CNTN3: variants seen among roughly 807,000 people sequenced by gnomAD.
CNTN3 encodes contactin 3, also known as contactin-3.
CNTN3 carries 60 observed loss-of-function variants against 119.1 expected under a neutral mutation model. That is an observed-to-expected ratio of 0.50 (90% CI 0.41 to 0.62). The LOEUF (loss-of-function observed/expected upper bound fraction) is 0.62, where lower values mean the gene tolerates loss of function less well. Among genes scored for constraint, CNTN3 ranks in the 20% least tolerant of loss-of-function variants. The pLI, the probability that CNTN3 is intolerant of heterozygous loss-of-function variation, is 0.00. For synonymous variants in CNTN3, 450 were observed against 438.7 expected (o/e 1.03, Z -0.32); for missense variants, 1,101 against 1,242.4 (o/e 0.89, Z 1.71).
At chr3:74,565,697 C>T (rs1176105251) in intron 1 of CNTN3, among the ~76,000 whole-genome samples, 1 of 152,098 alleles carries the variant, frequency 6.6e-6, no homozygotes, top group Non-Finnish European at 1.5e-5. Flanking sequence ...TTTCAGTCAA[C>T]CTTGGTGAGC....
intron 18 of CNTN3, among the ~76,000 whole-genome samples, chr3:74,296,369 G>C (rs1490804189): frequency 6.6e-6 from 1 of 152,062 alleles, no homozygotes; most frequent in Non-Finnish European, 1.5e-5. Flanking sequence ...AAAACTCCCT[G>C]GATAATGGCC....
intron 5 of CNTN3, among the ~76,000 whole-genome samples, chr3:74,391,443 G>A (rs889832642): frequency 3.9e-5 from 6 of 151,992 alleles, no homozygotes; most frequent in African/African-American, 7.3e-5. Context: ...GGAAAATAAT[G>A]GGGCTGTGGA....
chr3:74,611,098 G>C (rs1242098896), intron 1 of CNTN3, among the ~76,000 whole-genome samples: 1 of 152,164 alleles, frequency 6.6e-6, no homozygotes, highest in African/African-American at 2.4e-5. Flanking sequence ...AGGCACCTAA[G>C]AGAATGCTAT....
At chr3:74,534,899 T>G (rs2107139960) in intron 1 of CNTN3, among the ~76,000 whole-genome samples, 1 of 152,130 alleles carries the variant, frequency 6.6e-6, no homozygotes, top group African/African-American at 2.4e-5. Flanking sequence ...GACTTTAAAT[T>G]TTACAACAGT....
At chr3:74,317,832 C>T (rs1702874378) in intron 13 of CNTN3, among the ~76,000 whole-genome samples, 1 of 152,062 alleles carries the variant, frequency 6.6e-6, no homozygotes, top group Non-Finnish European at 1.5e-5. Context: ...TTGCTCTTCT[C>T]GAGGAGTATC....
At chr3:74,602,583 A>G (rs983249394) in intron 1 of CNTN3, among the ~76,000 whole-genome samples, 2 of 152,010 alleles carry the variant, frequency 1.3e-5, no homozygotes, top group African/African-American at 4.8e-5. Flanking sequence ...AAAATCTCAG[A>G]CTTCCAGTCA....
intron 1 of CNTN3, among the ~76,000 whole-genome samples, chr3:74,569,128 G>A: frequency 6.6e-6 from 1 of 152,164 alleles, no homozygotes; most frequent in East Asian, 1.9e-4. Context: ...CCATTTTAGA[G>A]CATCTGTATG....
At chr3:74,417,172 T>C (rs1430968213) in intron 5 of CNTN3, among the ~76,000 whole-genome samples, 1 of 152,092 alleles carries the variant, frequency 6.6e-6, no homozygotes, top group Non-Finnish European at 1.5e-5. Context: ...ATGGCACCTA[T>C]TATTGTCATT....
chr3:74,507,421 G>A (rs1336052830), intron 2 of CNTN3, among the ~76,000 whole-genome samples: 147 of 139,058 alleles, frequency 1.1e-3, no homozygotes, highest in Admixed American at 1.0e-3. Context: ...CCATCTCTAA[G>A]AAAAAAAAAA....
At chr3:74,581,809 T>G (rs1259815471) in intron 1 of CNTN3, among the ~76,000 whole-genome samples, 1 of 152,150 alleles carries the variant, frequency 6.6e-6, no homozygotes, top group Admixed American at 6.5e-5. Context: ...ACCCCACTAT[T>G]AGGTCTTTTC....
chr3:74,570,169 T>C (rs1464712370), intron 1 of CNTN3, among the ~76,000 whole-genome samples: 3 of 151,972 alleles, frequency 2.0e-5, no homozygotes, highest in Non-Finnish European at 4.4e-5. Context: ...TGGAGTATCA[T>C]GGAGTTCTAC....
At chr3:74,525,011 A>G (rs1335696021) in intron 1 of CNTN3, among the ~76,000 whole-genome samples, 2 of 151,834 alleles carry the variant, frequency 1.3e-5, no homozygotes, top group African/African-American at 4.8e-5. Flanking sequence ...ATGTCTGGCT[A>G]AGGGTATTAG....
chr3:74,398,225 GA>G (rs1310197492), intron 5 of CNTN3, among the ~76,000 whole-genome samples: 1 of 152,180 alleles, frequency 6.6e-6, no homozygotes, highest in Non-Finnish European at 1.5e-5. Flanking sequence ...AATCTTTTGT[GA>G]AAGGAAGAGT....
chr3:74,391,750 G>A (rs1365421706), intron 5 of CNTN3, among the ~76,000 whole-genome samples: 1 of 151,750 alleles, frequency 6.6e-6, no homozygotes, highest in Non-Finnish European at 1.5e-5. Flanking sequence ...CTCCACCTCC[G>A]GGGCTCAAGC....
At chr3:74,476,126 T>C (rs1702649526) in intron 4 of CNTN3, among the ~76,000 whole-genome samples, 1 of 152,162 alleles carries the variant, frequency 6.6e-6, no homozygotes, top group Non-Finnish European at 1.5e-5. Flanking sequence ...AGGTTGGCCA[T>C]GAGTTCAATG....
intron 13 of CNTN3, among the ~76,000 whole-genome samples, chr3:74,323,706 ATTTG>A (rs774636658): frequency 1.3e-5 from 2 of 152,224 alleles, no homozygotes; most frequent in East Asian, 1.9e-4. Flanking sequence ...GATATGATTT[ATTTG>A]TTTATTTATG....
intron 3 of CNTN3, among the ~76,000 whole-genome samples, chr3:74,493,263 T>C (rs563206988): frequency 5.9e-5 from 9 of 152,254 alleles, no homozygotes; most frequent in African/African-American, 1.7e-4. Flanking sequence ...GTGTCTTCCA[T>C]TTGAACTTGC....
chr3:74,372,320 G>A (rs148807773), intron 5 of CNTN3, among the ~76,000 whole-genome samples: 47 of 152,202 alleles, frequency 3.1e-4, no homozygotes, highest in African/African-American at 1.0e-3. Context: ...TCTATGTAAA[G>A]TACAGTATGA....
At chr3:74,426,769 C>A (rs538630883) in intron 4 of CNTN3, among the ~76,000 whole-genome samples, 2 of 152,160 alleles carry the variant, frequency 1.3e-5, no homozygotes, top group Non-Finnish European at 2.9e-5. Flanking sequence ...TGGAATGTAA[C>A]TAACTGAGTT....
Sources: gnomAD v4.1 joint callset for allele counts (sites outside exome capture counted in the v4.1 genomes callset) on GRCh38, gnomAD v4.1.1 for gene constraint, MANE v1.5 for transcripts, NCBI Gene and HGNC (gene_info 2026-07-23, HGNC 2026-07-21) for gene names.